The following ATP8B2 variants were observed in gnomAD, a reference collection of about 807,000 sequenced individuals.
ATP8B2 encodes the protein phospholipid-transporting ATPase ID.
A neutral mutation model predicts 133.4 loss-of-function variants in ATP8B2; 70 were observed. That is an observed-to-expected ratio of 0.52 (90% confidence interval 0.43 to 0.64). ATP8B2 has a LOEUF of 0.64. ATP8B2 is among the 30% of genes least tolerant of loss of function. ATP8B2 has a pLI of 0.00. For missense variants in ATP8B2, 1,101 were observed against 1,535.7 expected, an observed-to-expected ratio of 0.72 and a Z score of 4.73; for synonymous variants, 517 against 589.5, an observed-to-expected ratio of 0.88 and a Z score of 1.78.
intron 12 of ATP8B2, among the ~76,000 whole-genome samples, chr1:154,339,500 T>G (rs1440411082): frequency 2.0e-5 from 3 of 152,268 alleles, no homozygotes; most frequent in Non-Finnish European, 4.4e-5. Context: ...TCTGCATTAC[T>G]ATTTAAATGC....
intron 12 of ATP8B2, among the ~76,000 whole-genome samples, chr1:154,338,334 T>G (rs563429042): frequency 6.7e-6 from 1 of 149,488 alleles, no homozygotes; most frequent in African/African-American, 2.4e-5. Context: ...TTTTGAATAT[T>G]TGCCTGTGGA....
Position 154,346,257 on chromosome 1 carries a change from G to C in ATP8B2, c.2805G>C (p.Glu935Asp). 6.2e-7 allele frequency: 1 copy of C among 1,614,054 alleles called. No homozygotes were observed. The highest frequency in any genetic ancestry group is 8.5e-7 in the Non-Finnish European group (1 of 1,180,022). ...DQDVPEQRSM[E>D]YPKLYEPGQL... ...ATGTCCCCGAGCAGCGGAGCATGGAGTACCCTAAGCTGTATGAGCCGGGCC... is the reference window on the plus strand; with the variant it reads ...ATGTCCCCGAGCAGCGGAGCATGGACTACCCTAAGCTGTATGAGCCGGGCC... The change falls in exon 25 of 28, where the codon GAG becomes GAC. Residue 935 changes from glutamate to aspartate, a missense_variant. By Grantham distance (45) the Glu-to-Asp change is conservative. Coordinates refer to ENST00000368489, the MANE Select transcript of ATP8B2 (RefSeq NM_001370597.1). This position sits in a 1 kb window ranked among gnomAD's most constrained non-coding sequence, Gnocchi z 4.5.
At position 154,330,861 on chromosome 1, in the gene ATP8B2, C is replaced by T. The variant is rs1391405019; in HGVS notation, c.137C>T (p.Pro46Leu). ...AAGTACAATATTCTCACCTTCCTGC[C>T]TGTCAACCTCTTTGAGCAGTTCCAG... ...TSKYNILTFL[P>L]VNLFEQFQEV... The change falls in exon 4 of 28, where the codon CCT becomes CTT. Residue 46 changes from proline (P) to leucine (L), a missense_variant. By Grantham distance (98) the Pro-to-Leu change is moderately conservative (BLOSUM62 -3). Coordinates refer to ENST00000368489, the MANE Select transcript of ATP8B2 (RefSeq NM_001370597.1). 1.1e-5 allele frequency: 18 copies of T among 1,614,054 alleles called. No individual in the cohort carries two copies. Among genetic ancestry groups the T allele is most frequent in the Non-Finnish European group, 4.2e-6 (5 of 1,180,022 alleles).
chr1:154,335,300 C>T (rs150779199), intron 11 of ATP8B2, among the ~76,000 whole-genome samples: 1,681 of 152,322 alleles, frequency 0.011, 16 homozygotes, highest in Non-Finnish European at 0.018. Flanking sequence ...GCCTAAACAG[C>T]GGAGGCAGCT....
intron 26 of ATP8B2, among the ~76,000 whole-genome samples, chr1:154,347,075 A>C (rs755825764): frequency 3.2e-4 from 49 of 152,074 alleles, no homozygotes; most frequent in Non-Finnish European, 5.1e-4. Context: ...TTTTTAGTAG[A>C]GATAGGGTTT....
chr1:154,327,427 G>A (rs1377118743), intron 1 of ATP8B2, among the ~76,000 whole-genome samples: 1 of 152,044 alleles, frequency 6.6e-6, no homozygotes, highest in Non-Finnish European at 1.5e-5. Flanking sequence ...CTAGGCTTGG[G>A]GTGGGAGGGA....
Position 154,331,024 on chromosome 1 carries a change from C to T in ATP8B2, c.205-24C>T. ...AAGGCATCAGATGGGGCCTCAGAGGCATACTTCTCTTTCTTTTTTTCAGTT... is the reference window on the plus strand; with the variant it reads ...AAGGCATCAGATGGGGCCTCAGAGGTATACTTCTCTTTCTTTTTTTCAGTT... On this transcript the variant is annotated intron_variant, in intron 4 of 27. Coordinates refer to ENST00000368489, the MANE Select transcript of ATP8B2 (RefSeq NM_001370597.1). This position sits in a 1 kb window ranked among gnomAD's most constrained non-coding sequence, Gnocchi z 4.8. The T allele has an allele frequency of 6.2e-7, 1 of 1,607,054 alleles. No individual in the cohort carries two copies. The highest frequency in any genetic ancestry group is 8.5e-7 in the Non-Finnish European group (1 of 1,173,686).
intron 14 of ATP8B2, 113 bp from the exon 15 acceptor site, chr1:154,342,683 G>C: frequency 1.1e-5 from 16 of 1,463,726 alleles, no homozygotes; most frequent in Non-Finnish European, 1.4e-5. Context: ...TGGAAATTTT[G>C]AGGTCCACCG....
intron 13 of ATP8B2, chr1:154,341,494 G>A (rs942922303): frequency 7.4e-5 from 19 of 255,772 alleles, no homozygotes; most frequent in Non-Finnish European, 1.4e-4. Flanking sequence ...CCTGTCTCTC[G>A]AGAAAAATCC....
At chr1:154,329,272 G>A (rs1403291946) in intron 2 of ATP8B2, among the ~76,000 whole-genome samples, 1 of 152,186 alleles carries the variant, frequency 6.6e-6, no homozygotes, top group African/African-American at 2.4e-5. Flanking sequence ...CTTGGCCCAA[G>A]AGAGCCCCTC....
intron 1 of ATP8B2, among the ~76,000 whole-genome samples, chr1:154,327,124 A>G (rs566732270): frequency 1.2e-4 from 18 of 152,338 alleles, no homozygotes; most frequent in African/African-American, 4.3e-4. Flanking sequence ...GCTTAGCCAG[A>G]CAGGCAATTA....
In ATP8B2 at chr1:154,331,449, C is replaced by T; in HGVS notation, c.309C>T (p.Arg103=). 1 of 1,614,032 alleles carries T rather than the reference C, an allele frequency of 6.2e-7. No homozygotes were observed. Among genetic ancestry groups the T allele is most frequent in the Non-Finnish European group, 8.5e-7 (1 of 1,180,034 alleles). Residue 103 remains arginine (R), a synonymous_variant, in exon 6 of 28, where the codon CGC becomes CGT. Coordinates refer to ENST00000368489, the MANE Select transcript of ATP8B2 (RefSeq NM_001370597.1). This position sits in a 1 kb window ranked among gnomAD's most constrained non-coding sequence, Gnocchi z 4.8. ...AVKDATDDYF[R]HKSDNQVNNR... is the part of the protein sequence containing the mutation. Reference sequence around the variant, plus strand: ...TTCAGTTTTCTTCTTTTCAGTTCCGCCACAAGAGCGATAACCAGGTGAATA... The same window carrying T: ...TTCAGTTTTCTTCTTTTCAGTTCCGTCACAAGAGCGATAACCAGGTGAATA...
At position 154,345,273 on chromosome 1, in the gene ATP8B2, G is replaced by A. The variant is rs760884859; in HGVS notation, c.2471-49G>A. 2 of 1,609,408 alleles carry A rather than the reference G, an allele frequency of 1.2e-6. No individual in the cohort carries two copies. Among genetic ancestry groups the A allele is most frequent in the Non-Finnish European group, 1.7e-6 (2 of 1,176,658 alleles). On this transcript the variant is annotated intron_variant, in intron 22 of 27. Transcript: ENST00000368489. The surrounding 1 kb of genome is among the most constrained non-coding windows in gnomAD (Gnocchi z 5.6). ...GTTGTAACTTGGTAGGCTCTAAAGTGTGTGGCCGGTGGCCATCTTCACCCT... is the reference window on the plus strand; with the variant it reads ...GTTGTAACTTGGTAGGCTCTAAAGTATGTGGCCGGTGGCCATCTTCACCCT...
intron 12 of ATP8B2, 96 bp downstream of exon 12, chr1:154,337,640 A>G: frequency 1.2e-6 from 2 of 1,613,642 alleles, no homozygotes; most frequent in Non-Finnish European, 1.7e-6. Context: ...AGAAGTAACG[A>G]GAAGTCCTCT....
Position 154,340,632 on chromosome 1 carries a change from T to G in ATP8B2, c.1035-222T>G. ...CCCAGGCCCTTTGCACCTTCTTGTC[T>G]GGAGAGCATCAGGAGGGTCGGGTCG... On this transcript the variant is annotated intron_variant, in intron 12 of 27. Coordinates refer to ENST00000368489, the MANE Select transcript of ATP8B2 (RefSeq NM_001370597.1). This position sits in a 1 kb window ranked among gnomAD's most constrained non-coding sequence, Gnocchi z 4.0. 2 of 585,336 alleles carry G rather than the reference T, an allele frequency of 3.4e-6. No homozygotes were observed. The highest frequency in any genetic ancestry group is 6.3e-6 in the Non-Finnish European group (2 of 319,682). The allele number at this position is 585,336 out of a possible 1,614,324, so 36.3% of individuals were successfully genotyped here.
At chr1:154,341,750 G>C (rs147222396) in intron 13 of ATP8B2, 1 of 147,872 alleles carries the variant, frequency 6.8e-6, no homozygotes, top group Non-Finnish European at 1.5e-5. Flanking sequence ...CCGAGTTTGC[G>C]CCATTGTACT....
chr1:154,334,726 G>A lies in ATP8B2; in HGVS notation c.837+135G>A. On this transcript the variant is annotated intron_variant, in intron 11 of 27. Transcript: ENST00000368489. This position sits in a 1 kb window ranked among gnomAD's most constrained non-coding sequence, Gnocchi z 4.6. Reference sequence around the variant, plus strand: ...GCTGCTAGCAGGTCAGCTACACAAAGGCAGTGTTTATTTTAGGCTCCTTTT... The same window carrying A: ...GCTGCTAGCAGGTCAGCTACACAAAAGCAGTGTTTATTTTAGGCTCCTTTT... The A allele has an allele frequency of 1.5e-6, 1 of 667,262 alleles. No homozygotes were observed. The highest frequency in any genetic ancestry group is 2.5e-6 in the Non-Finnish European group (1 of 393,912). 41.3% of individuals were successfully genotyped at this position (667,262 alleles called of 1,614,324 possible).
At position 154,346,339 on chromosome 1, in the gene ATP8B2, T is replaced by C. The variant is rs773963533; in HGVS notation, c.2887T>C (p.Tyr963His). Residue 963 changes from tyrosine to histidine, a missense_variant, in exon 25 of 28, where the codon TAC becomes CAC. Transcript: ENST00000368489. The surrounding 1 kb of genome is among the most constrained non-coding windows in gnomAD (Gnocchi z 4.5). ...EFFICIAQGI[Y>H]TSVLMFFIPY... Reference sequence around the variant, plus strand: ...CTTCATCTGCATCGCCCAGGGCATCTACACCTCCGTGCTCATGTTCTTCAT... The same window carrying C: ...CTTCATCTGCATCGCCCAGGGCATCCACACCTCCGTGCTCATGTTCTTCAT... 1.1e-5 allele frequency: 18 copies of C among 1,614,110 alleles called. No homozygotes were observed. The highest frequency in any genetic ancestry group is 1.5e-5 in the Non-Finnish European group (18 of 1,180,046).
At chr1:154,330,520 T>C in intron 3 of ATP8B2, 66 bp downstream of exon 3, 2 of 1,547,088 alleles carry the variant, frequency 1.3e-6, no homozygotes, top group Non-Finnish European at 1.8e-6. Flanking sequence ...AAGGACAACC[T>C]ACCGTTGGGA....
Sources: allele counts gnomAD v4.1 joint callset (sites outside exome capture counted in the v4.1 genomes callset), GRCh38; gene constraint gnomAD v4.1.1; non-coding constraint Gnocchi (gnomAD v3.1); transcripts MANE v1.5; gene names NCBI Gene and HGNC (gene_info 2026-07-23, HGNC 2026-07-21).